The following CDCA2 variants were observed in gnomAD, a reference collection of about 807,000 sequenced individuals.
CDCA2 encodes the protein cell division cycle associated 2.
Under a neutral mutation model 67.0 loss-of-function variants are expected in CDCA2, and 44 were observed. The observed-to-expected ratio is 0.66, with a 90% CI of 0.52 to 0.84. The LOEUF is 0.84. CDCA2 is among the 40% of genes least tolerant of loss of function. The pLI is 0.00. For synonymous variants in CDCA2, 447 were observed against 418.7 expected (o/e 1.07, Z -0.82); for missense variants, 1,253 against 1,203.2 (o/e 1.04, Z -0.61).
chr8:25,503,734 T>C (rs1306093952), intron 14 of CDCA2, among the ~76,000 whole-genome samples, 190 bp downstream of exon 14: 1 of 152,248 alleles, frequency 6.6e-6, no homozygotes, highest in Non-Finnish European at 1.5e-5. Flanking sequence ...GTAGGTGACT[T>C]AGATCCTTTT....
At chr8:25,462,319 T>C in intron 4 of CDCA2, 111 bp downstream of exon 4, 3 of 1,259,370 alleles carry the variant, frequency 2.4e-6, no homozygotes, top group African/African-American at 1.5e-5. Flanking sequence ...AGATTTTCTC[T>C]GTGTTTTAGA....
At position 25,485,815 on chromosome 8, in the gene CDCA2, A is replaced by G; in HGVS notation, c.1422A>G (p.Ser474=). ...SFAVLSSPNK[S]SISETLSGTD... is the part of the protein sequence containing the mutation. ...CCGTTCTCAGTTCTCCTAATAAATCATCAATCTCTGAGACCCTTTCAGGTA... is the reference window on the plus strand; with the variant it reads ...CCGTTCTCAGTTCTCCTAATAAATCGTCAATCTCTGAGACCCTTTCAGGTA... Residue 474 remains serine (S), a synonymous_variant, in exon 11 of 15, where the codon TCA becomes TCG. Coordinates refer to ENST00000330560, the MANE Select transcript of CDCA2 (RefSeq NM_152562.4). 1 of 1,603,454 alleles carries G rather than the reference A, an allele frequency of 6.2e-7. No homozygotes were observed. The highest frequency in any genetic ancestry group is 2.2e-5 in the East Asian group (1 of 44,582).
At chr8:25,484,896 C>T (rs1182502333) in intron 10 of CDCA2, among the ~76,000 whole-genome samples, 1 of 152,088 alleles carries the variant, frequency 6.6e-6, no homozygotes, top group African/African-American at 2.4e-5. Context: ...CAGCATTAAC[C>T]TGGTGCAAAA....
At chr8:25,473,829 A>C (rs1365695473) in intron 7 of CDCA2, among the ~76,000 whole-genome samples, 5 of 152,214 alleles carry the variant, frequency 3.3e-5, no homozygotes, top group African/African-American at 7.2e-5. Flanking sequence ...AGTTTAAAAC[A>C]CACACACAAA....
intron 13 of CDCA2, among the ~76,000 whole-genome samples, chr8:25,494,952 A>G (rs2979725): frequency 0.23 from 35,022 of 152,096 alleles, 5,176 homozygotes; most frequent in Middle Eastern, 0.34. Context: ...AGGCCCCAAG[A>G]GACACCAGCC....
rs1803833400 is a variant in CDCA2, at chr8:25,487,618, C to G, written c.1533+284C>G. On this transcript the variant is annotated intron_variant, in intron 12 of 14. Transcript: ENST00000330560. Reference sequence around the variant, plus strand: ...ATTAGCCGGACGTGGTGGTGGACGCCTGTAGTCCCAGCTACTAGGGAGGCT... The same window carrying G: ...ATTAGCCGGACGTGGTGGTGGACGCGTGTAGTCCCAGCTACTAGGGAGGCT... 3.9e-5 allele frequency among the ~76,000 whole-genome samples: 6 copies of G among 152,178 alleles called. 1 individual carries two copies. In the South Asian group the frequency reaches 1.2e-3, roughly 32 times the overall value.
At chr8:25,487,483 T>A in intron 12 of CDCA2, 149 bp downstream of exon 12, 1 of 592,878 alleles carries the variant, frequency 1.7e-6, no homozygotes, top group Non-Finnish European at 3.0e-6. Flanking sequence ...GGTTCACGCC[T>A]GTAATCCCAA....
At chr8:25,472,058 C>G (rs1473854130) in intron 7 of CDCA2, 1 of 152,186 alleles carries the variant, frequency 6.6e-6, no homozygotes, top group African/African-American at 2.4e-5. Context: ...GGGGGACCTG[C>G]ATGACACCTC....
At chr8:25,478,731 G>A (rs1470475029) in intron 7 of CDCA2, among the ~76,000 whole-genome samples, 2 of 151,960 alleles carry the variant, frequency 1.3e-5, no homozygotes, top group Non-Finnish European at 2.9e-5. Context: ...TCCATCCCTA[G>A]ATCTATGTGT....
intron 13 of CDCA2, among the ~76,000 whole-genome samples, chr8:25,499,072 A>T (rs1369454436): frequency 6.6e-6 from 1 of 152,118 alleles, no homozygotes; most frequent in Non-Finnish European, 1.5e-5. Context: ...TAATTGTTGA[A>T]GTAGCTGATG....
intron 8 of CDCA2, among the ~76,000 whole-genome samples, chr8:25,483,012 C>A (rs1053247191): frequency 4.6e-5 from 7 of 152,114 alleles, no homozygotes; most frequent in African/African-American, 1.4e-4. Flanking sequence ...ACTTGAGCAT[C>A]CGTGGATTTT....
At chr8:25,462,922 C>G (rs73220084) in intron 4 of CDCA2, among the ~76,000 whole-genome samples, 14,709 of 152,212 alleles carry the variant, frequency 0.097, 740 homozygotes, top group African/African-American at 0.11. Context: ...CCTAAGCAAT[C>G]CCTATCAAAG....
intron 12 of CDCA2, among the ~76,000 whole-genome samples, chr8:25,487,722 G>C (rs191877705): frequency 6.6e-6 from 1 of 152,082 alleles, no homozygotes; most frequent in Admixed American, 6.6e-5. Context: ...CAGCCTGGGC[G>C]GAGTGAGACT....
At chr8:25,481,090 A>G (rs1190037967) in intron 8 of CDCA2, among the ~76,000 whole-genome samples, 2 of 152,178 alleles carry the variant, frequency 1.3e-5, no homozygotes, top group Non-Finnish European at 1.5e-5. Context: ...TTGATGGTCA[A>G]TTGCTATTTG....
At position 25,497,500 on chromosome 8, in the gene CDCA2, AAAAAAT is replaced by A. The variant is rs1563281770; in HGVS notation, c.1672-5867_1672-5862del. Among the ~76,000 whole-genome samples, 87 of 23,530 alleles carry A rather than the reference AAAAAAT, an allele frequency of 3.7e-3. 4 individuals carry two copies. The highest frequency in any genetic ancestry group is 0.018 in the Admixed American group (33 of 1,850). 15.4% of individuals were successfully genotyped at this position (23,530 alleles called of 152,430 possible). A position where few individuals can be genotyped will look rare whatever the true frequency, so the allele number is the denominator to read the frequency against. On this transcript the variant is annotated intron_variant, in intron 13 of 14. Transcript: ENST00000330560. ...CTTACATGTGGAATCTTTAAAAAAT[AAAAAAT>A]AAAAAAAAAAAAAACTCACAGAAGC...
intron 13 of CDCA2, among the ~76,000 whole-genome samples, chr8:25,491,956 C>T (rs1481664577): frequency 6.6e-6 from 1 of 152,188 alleles, no homozygotes. Flanking sequence ...CACCACCATG[C>T]TCGGCTAATT....
chr8:25,460,118 G>A, intron 1 of CDCA2, 122 bp from the exon 2 acceptor site: 1 of 886,062 alleles, frequency 1.1e-6, no homozygotes, highest in Non-Finnish European at 1.8e-6. Flanking sequence ...AATGAAACCT[G>A]TGACGTGTGT....
chr8:25,466,156 A>T lies in CDCA2; in HGVS notation c.388-19A>T. On this transcript the variant is annotated intron_variant, in intron 4 of 14. Transcript: ENST00000330560. ...ATGAATTGATTATAATACTCCTTGT[A>T]TATTTTGCACTTTCACAGGGCAGCC... The T allele has an allele frequency of 6.3e-7, 1 of 1,584,680 alleles. No individual in the cohort carries two copies. The highest frequency in any genetic ancestry group is 8.5e-7 in the Non-Finnish European group (1 of 1,171,952).
intron 13 of CDCA2, among the ~76,000 whole-genome samples, chr8:25,496,489 A>C (rs1246380877): frequency 6.6e-6 from 1 of 152,182 alleles, no homozygotes; most frequent in Non-Finnish European, 1.5e-5. Context: ...GTAACAATCA[A>C]CAGAGGAAAG....
Sources: allele counts gnomAD v4.1 joint callset (sites outside exome capture counted in the v4.1 genomes callset), GRCh38; gene constraint gnomAD v4.1.1; transcripts MANE v1.5; gene names NCBI Gene and HGNC (gene_info 2026-07-23, HGNC 2026-07-21).